TMEM132B: variants seen among roughly 807,000 people sequenced by gnomAD.
TMEM132B encodes transmembrane protein 132B.
Under a neutral mutation model 90.8 loss-of-function variants are expected in TMEM132B, and 18 were observed. The ratio of observed to expected loss-of-function variants is 0.20; its 90% CI spans 0.14 to 0.29. The LOEUF is 0.29. Ranked by LOEUF, TMEM132B falls within the 10% of genes least tolerant of loss-of-function variation. The pLI, the probability that TMEM132B is intolerant of heterozygous loss-of-function variation, is 1.00. For missense variants in TMEM132B, 1,096 were observed against 1,326.8 expected, an observed-to-expected ratio of 0.83 and a Z score of 2.70; for synonymous variants, 504 against 523.3, an observed-to-expected ratio of 0.96 and a Z score of 0.50.
intron 4 of TMEM132B, among the ~76,000 whole-genome samples, chr12:125,563,602 A>AAACAAACAAAC (rs1566074999): frequency 2.8e-4 from 22 of 78,438 alleles, no homozygotes; most frequent in East Asian, 1.3e-3. Context: ...AACAAACAAA[A>AAACAAACAAAC]AAAAACCCCA....
intron 6 of TMEM132B, among the ~76,000 whole-genome samples, chr12:125,645,165 C>T (rs986087042): frequency 3.4e-5 from 5 of 147,412 alleles, no homozygotes; most frequent in African/African-American, 1.3e-4. Flanking sequence ...TTGCAGTGAG[C>T]CGAGATCTTG....
intron 1 of TMEM132B, among the ~76,000 whole-genome samples, chr12:125,344,216 A>G (rs1877286278): frequency 6.6e-6 from 1 of 152,194 alleles, no homozygotes; most frequent in Non-Finnish European, 1.5e-5. Context: ...GAGTGACTGG[A>G]TATAGTAGTC....
chr12:125,600,822 C>T (rs1359416852), intron 5 of TMEM132B, among the ~76,000 whole-genome samples: 1 of 152,160 alleles, frequency 6.6e-6, no homozygotes, highest in African/African-American at 2.4e-5. Context: ...CAATCCTAGT[C>T]TCTGACAAAA....
At chr12:125,570,925 G>A (rs982464270) in intron 4 of TMEM132B, among the ~76,000 whole-genome samples, 1 of 152,216 alleles carries the variant, frequency 6.6e-6, no homozygotes, top group African/African-American at 2.4e-5. Context: ...CAGGCTGGAA[G>A]AGCAGCTGGA....
At chr12:125,521,014 T>A (rs1883293501) in intron 4 of TMEM132B, among the ~76,000 whole-genome samples, 1 of 152,188 alleles carries the variant, frequency 6.6e-6, no homozygotes. Flanking sequence ...TGGATGGGTG[T>A]GGGTTTTAAG....
intron 1 of TMEM132B, among the ~76,000 whole-genome samples, chr12:125,271,117 C>T (rs1016433809): frequency 2.6e-5 from 4 of 151,936 alleles, no homozygotes; most frequent in African/African-American, 9.7e-5. Flanking sequence ...TGTACCATAC[C>T]CTGCTAATTT....
intron 3 of TMEM132B, among the ~76,000 whole-genome samples, chr12:125,471,635 G>A (rs530690696): frequency 1.4e-4 from 22 of 152,312 alleles, no homozygotes; most frequent in South Asian, 2.1e-4. Flanking sequence ...GGAGTACAGC[G>A]CCCTGCTCAG....
intron 1 of TMEM132B, among the ~76,000 whole-genome samples, chr12:125,311,239 G>A (rs148109516): frequency 1.4e-4 from 22 of 152,308 alleles, no homozygotes; most frequent in African/African-American, 4.3e-4. Flanking sequence ...TAGTCATAGA[G>A]AAACCGGGTC....
intron 4 of TMEM132B, among the ~76,000 whole-genome samples, chr12:125,571,079 G>C (rs1592999408): frequency 6.6e-6 from 1 of 152,096 alleles, no homozygotes; most frequent in African/African-American, 2.4e-5. Flanking sequence ...CTATCTTTTA[G>C]GCTGAAAGCT....
intron 1 of TMEM132B, among the ~76,000 whole-genome samples, chr12:125,262,076 A>G (rs919587190): frequency 6.6e-6 from 1 of 152,112 alleles, no homozygotes; most frequent in Non-Finnish European, 1.5e-5. Context: ...GGACAAGGCT[A>G]AACTTGGCAT....
At chr12:125,597,544 A>G (rs1199516916) in intron 5 of TMEM132B, among the ~76,000 whole-genome samples, 1 of 152,254 alleles carries the variant, frequency 6.6e-6, no homozygotes, top group Admixed American at 6.5e-5. Flanking sequence ...CACTGTATCT[A>G]TCTTTGTATA....
intron 1 of TMEM132B, among the ~76,000 whole-genome samples, chr12:125,221,020 G>A (rs376937972): frequency 2.2e-4 from 33 of 152,342 alleles, no homozygotes; most frequent in African/African-American, 7.9e-4. Context: ...CATACCCTCA[G>A]TTCATGACTT....
chr12:125,197,765 T>C (rs1385973404), intron 1 of TMEM132B, among the ~76,000 whole-genome samples: 1 of 152,224 alleles, frequency 6.6e-6, no homozygotes, highest in African/African-American at 2.4e-5. Context: ...CAAGCCATCA[T>C]TTTTAATGTC....
chr12:125,276,971 C>T (rs746666120), intron 1 of TMEM132B, among the ~76,000 whole-genome samples: 24 of 152,134 alleles, frequency 1.6e-4, no homozygotes, highest in Non-Finnish European at 2.5e-4. Context: ...TTACCACATG[C>T]GATTTTAACG....
chr12:125,193,528 G>A (rs1872850126), intron 1 of TMEM132B, among the ~76,000 whole-genome samples: 1 of 152,236 alleles, frequency 6.6e-6, no homozygotes, highest in Non-Finnish European at 1.5e-5. Flanking sequence ...AATGCAAGGC[G>A]ATATGATGAA....
chr12:125,590,204 A>G (rs550694520), intron 5 of TMEM132B, among the ~76,000 whole-genome samples: 1 of 152,236 alleles, frequency 6.6e-6, no homozygotes, highest in African/African-American at 2.4e-5. Flanking sequence ...TATCTAAATT[A>G]TCCAGCCTCA....
chr12:125,474,157 T>C (rs146076431), intron 3 of TMEM132B, among the ~76,000 whole-genome samples: 3 of 151,404 alleles, frequency 2.0e-5, no homozygotes, highest in Admixed American at 6.6e-5. Context: ...CTGCCTTCTT[T>C]TTCTCTTTCT....
chr12:125,476,061 G>C (rs1212048018), intron 3 of TMEM132B, among the ~76,000 whole-genome samples: 1 of 152,012 alleles, frequency 6.6e-6, no homozygotes, highest in Non-Finnish European at 1.5e-5. Flanking sequence ...GGGGAAGCCG[G>C]GTAGCCAAAA....
chr12:125,650,837 C>A lies in TMEM132B; in HGVS notation c.1798C>A (p.Gln600Lys). The change falls in exon 7 of 9, where the codon CAG (glutamine) becomes AAG (lysine). Residue 600 changes from glutamine to lysine, a missense_variant. Transcript: ENST00000682704. ...GACCTACATGCTGGGCCCCGACTGG[C>A]AGTTTGACATCACTGACCTTGTGAC... ...QLTYMLGPDW[Q>K]FDITDLVTEF... 6.2e-7 allele frequency: 1 copy of A among 1,614,192 alleles called. No individual in the cohort carries two copies. Among genetic ancestry groups the A allele is most frequent in the Non-Finnish European group, 8.5e-7 (1 of 1,180,036 alleles).
Sources: gnomAD v4.1 joint callset for allele counts (sites outside exome capture counted in the v4.1 genomes callset) on GRCh38, gnomAD v4.1.1 for gene constraint, MANE v1.5 for transcripts, NCBI Gene and HGNC (gene_info 2026-07-23, HGNC 2026-07-21) for gene names.